Variants in XPNPEP2 observed in about 807,000 individuals in gnomAD.
XPNPEP2 encodes X-prolyl aminopeptidase 2, also known as xaa-Pro aminopeptidase 2.
In XPNPEP2, 64 loss-of-function variants were observed where a neutral mutation model predicts 59.8. The ratio of observed to expected loss-of-function variants is 1.07; its 90% CI spans 0.87 to 1.32. XPNPEP2 has a LOEUF of 1.32. XPNPEP2 is among the 40% of genes most tolerant of loss of function. XPNPEP2 has a pLI of 0.00. For synonymous variants in XPNPEP2, 235 were observed against 210.0 expected, an observed-to-expected ratio of 1.12 and a Z score of -1.03; for missense variants, 575 against 546.8, an observed-to-expected ratio of 1.05 and a Z score of -0.51.
chrX:129,761,970 G>A (rs1161674741), intron 17 of XPNPEP2, 36 bp from the exon 18 acceptor site: 1 of 1,201,519 alleles, frequency 8.3e-7, no homozygotes, highest in South Asian at 1.8e-5. Flanking sequence ...GGTGAGTATA[G>A]GAGAACTGAT....
intron 7 of XPNPEP2, among the ~76,000 whole-genome samples, chrX:129,748,194 G>A (rs780728951): frequency 5.4e-5 from 6 of 112,015 alleles, no homozygotes; most frequent in African/African-American, 9.7e-5. Flanking sequence ...TGAGATGGCT[G>A]GGGTCAGGTG....
rs1248924277 is a variant in XPNPEP2, at chrX:129,756,560, G to A, written c.1367+5G>A. 4 of 1,207,991 alleles carry A rather than the reference G, an allele frequency of 3.3e-6. No individual in the cohort carries two copies. The highest frequency in any genetic ancestry group is 4.5e-6 in the Non-Finnish European group (4 of 893,673). ...GGACTCTGGGGGGCAGTACTGGTAT[G>A]TACCCCGACCTCACCCTAGCCTGGA... is the stretch of plus-strand genomic sequence containing the variant. On this transcript the variant is annotated splice_donor_5th_base_variant and intron_variant, in intron 14 of 20. Transcript: ENST00000371106.
chrX:129,743,671 T>TCACCCACACCCA (rs1457704690), intron 2 of XPNPEP2, among the ~76,000 whole-genome samples: 2 of 112,034 alleles, frequency 1.8e-5, no homozygotes, highest in East Asian at 5.6e-4. Flanking sequence ...CCTGCAGTTC[T>TCACCCACACCCA]CACCCACACC....
At chrX:129,745,385 C>G (rs1341449477) in intron 4 of XPNPEP2, 119 bp downstream of exon 4, 2 of 800,351 alleles carry the variant, frequency 2.5e-6, no homozygotes, top group African/African-American at 4.1e-5. Context: ...AGAGAAAACC[C>G]TTCTACTCTC....
At chrX:129,758,777 A>G (rs1372571646) in intron 14 of XPNPEP2, among the ~76,000 whole-genome samples, 1 of 111,935 alleles carries the variant, frequency 8.9e-6, no homozygotes, top group Non-Finnish European at 1.9e-5. Flanking sequence ...TGAGAGTGTT[A>G]TGATAATATA....
At chrX:129,751,570 GA>G (rs1372682726) in intron 8 of XPNPEP2, among the ~76,000 whole-genome samples, 174 bp from the exon 9 acceptor site, 3 of 68,888 alleles carry the variant, frequency 4.4e-5, no homozygotes, top group Non-Finnish European at 8.1e-5. Context: ...AAGAAAGAAA[GA>G]AAGAAAGAAA....
intron 20 of XPNPEP2, 33 bp downstream of exon 20, chrX:129,767,725 C>T: frequency 8.4e-7 from 1 of 1,191,572 alleles, no homozygotes; most frequent in Non-Finnish European, 1.1e-6. Context: ...TTCTCCCTGA[C>T]CCTGGGCCTT....
chrX:129,745,980 G>A (rs900358793), intron 4 of XPNPEP2, among the ~76,000 whole-genome samples: 2 of 111,228 alleles, frequency 1.8e-5, no homozygotes, highest in Non-Finnish European at 3.8e-5. Context: ...GCCAAAAGTT[G>A]ACCTCACTTC....
At chrX:129,746,778 C>T (rs754926449) in intron 6 of XPNPEP2, 97 bp downstream of exon 6, 19 of 771,979 alleles carry the variant, frequency 2.5e-5, no homozygotes, top group Non-Finnish European at 3.8e-5. Flanking sequence ...GAAGGAGGGG[C>T]GGTGGGACTA....
At chrX:129,764,538 C>T (rs1444504727) in intron 19 of XPNPEP2, among the ~76,000 whole-genome samples, 3 of 108,811 alleles carry the variant, frequency 2.8e-5, no homozygotes, top group Admixed American at 9.8e-5. Flanking sequence ...GCCTGTAATC[C>T]CAGCTACTCA....
chrX:129,760,694 T>C, intron 16 of XPNPEP2, 113 bp downstream of exon 16: 1 of 786,119 alleles, frequency 1.3e-6, no homozygotes. Flanking sequence ...CCATCCCTTA[T>C]GTAGATGAGA....
chrX:129,759,266 C>T (rs751904712), intron 15 of XPNPEP2, 26 bp downstream of exon 15: 1 of 1,208,579 alleles, frequency 8.3e-7, no homozygotes, highest in Non-Finnish European at 1.1e-6. Flanking sequence ...GATTTCCCCT[C>T]ACCACCTTCC....
intron 14 of XPNPEP2, among the ~76,000 whole-genome samples, chrX:129,757,309 A>G (rs763282798): frequency 1.8e-5 from 2 of 109,113 alleles, no homozygotes; most frequent in Non-Finnish European, 3.8e-5. Flanking sequence ...GCCTGGCCAC[A>G]CAAACACATA....
rs1192995446 is a variant in XPNPEP2, at chrX:129,744,071, G to A, written c.234G>A (p.Met78Ile). Residue 78 changes from methionine (M) to isoleucine (I), a missense_variant and splice_region_variant, in exon 3 of 21, where the codon ATG (methionine) becomes ATA (isoleucine). Met to Ile is a conservative substitution (Grantham distance 10). Transcript: ENST00000371106. The part of the protein sequence containing the change: ...AYIIPGTDAH[M>I]NEYIGQHDER... ...TCATCCCAGGCACAGATGCTCACAT[G>A]GTAAGAGACAGCTTCTCTCCCCCTT... 5.8e-6 allele frequency: 7 copies of A among 1,204,754 alleles called. No homozygotes were observed. The highest frequency in any genetic ancestry group is 1.8e-5 in the South Asian group (1 of 56,645).
Position 129,762,681 on chromosome X carries a change from C to T in XPNPEP2, c.1664-13C>T, listed in dbSNP as rs778246525. The T allele has an allele frequency of 3.3e-6, 4 of 1,208,877 alleles. No individual in the cohort carries two copies. The highest frequency in any genetic ancestry group is 4.5e-6 in the Non-Finnish European group (4 of 892,718). ...TCCCAGCTTAATGCCACCAGCATCT[C>T]TGTGTCTCCCAGAACCTGGTTACTA... On this transcript the variant is annotated splice_polypyrimidine_tract_variant and intron_variant, in intron 18 of 20. Transcript: ENST00000371106.
In XPNPEP2 at chrX:129,744,023, G is replaced by C. The variant is rs771391224; in HGVS notation, c.186G>C (p.Gln62His). 1.2e-5 allele frequency: 15 copies of C among 1,210,352 alleles called. No homozygotes were observed. Among genetic ancestry groups the C allele is most frequent in the Non-Finnish European group, 1.5e-5 (13 of 895,348 alleles). ...MSLTALRQQM[Q>H]TQNLSAYIIP... ...TCACAGCCCTCCGCCAGCAGATGCA[G>C]ACCCAGAATCTCTCAGCCTACATCA... The change falls in exon 3 of 21, where the codon CAG becomes CAC. Residue 62 changes from glutamine to histidine, a missense_variant. Physicochemically the swap from Gln to His is conservative, Grantham distance 24. Coordinates refer to ENST00000371106, the MANE Select transcript of XPNPEP2 (RefSeq NM_003399.6).
At chrX:129,761,066 G>GATAGTGAAGC in intron 16 of XPNPEP2, 106 bp from the exon 17 acceptor site, 1 of 779,056 alleles carries the variant, frequency 1.3e-6, no homozygotes, top group Non-Finnish European at 1.9e-6. Flanking sequence ...CGGCCTCTCA[G>GATAGTGAAGC]GGGCCCCTCT....
At chrX:129,760,217 G>A (rs1926629929) in intron 15 of XPNPEP2, among the ~76,000 whole-genome samples, 1 of 112,278 alleles carries the variant, frequency 8.9e-6, no homozygotes. Context: ...TTCAGCCCAG[G>A]GAGTCACAGC....
intron 7 of XPNPEP2, 177 bp downstream of exon 7, chrX:129,747,930 T>C (rs1926331296): frequency 1.6e-6 from 1 of 612,018 alleles, no homozygotes; most frequent in African/African-American, 2.2e-5. Context: ...CCCCCTCCCC[T>C]TGAGGAGTCT....
Sources: allele counts gnomAD v4.1 joint callset (sites outside exome capture counted in the v4.1 genomes callset), GRCh38; gene constraint gnomAD v4.1.1; transcripts MANE v1.5; gene names NCBI Gene and HGNC (gene_info 2026-07-23, HGNC 2026-07-21).